The following SH3PXD2B variants were observed in gnomAD, a reference collection of about 807,000 sequenced individuals.
SH3PXD2B encodes the protein SH3 and PX domains 2B.
SH3PXD2B carries 37 observed loss-of-function variants against 73.1 expected under a neutral mutation model. The observed-to-expected ratio is 0.51, with a 90% CI of 0.39 to 0.67. The LOEUF (loss-of-function observed/expected upper bound fraction) is 0.67. Among genes scored for constraint, SH3PXD2B ranks in the 30% least tolerant of loss-of-function variants. The pLI is 0.00. For synonymous variants in SH3PXD2B, 457 were observed against 480.5 expected (o/e 0.95, Z 0.64); for missense variants, 1,053 against 1,197.8 (o/e 0.88, Z 1.78).
intron 2 of SH3PXD2B, 92 bp from the exon 3 acceptor site, chr5:172,406,444 A>C: frequency 7.0e-7 from 1 of 1,422,268 alleles, no homozygotes; most frequent in Admixed American, 1.7e-5. Flanking sequence ...GAAATATGTG[A>C]TGTGATATAC....
At chr5:172,369,815 C>A (rs2113345631) in intron 6 of SH3PXD2B, among the ~76,000 whole-genome samples, 1 of 151,316 alleles carries the variant, frequency 6.6e-6, no homozygotes, top group South Asian at 2.1e-4. Flanking sequence ...CCCCACCCCG[C>A]CCCAGCTTTA....
chr5:172,386,742 C>T (rs1758068433), intron 4 of SH3PXD2B, among the ~76,000 whole-genome samples: 1 of 152,140 alleles, frequency 6.6e-6, no homozygotes, highest in Admixed American at 6.5e-5. Flanking sequence ...ATCCTCCCAC[C>T]TCAGCCTCCT....
intron 4 of SH3PXD2B, among the ~76,000 whole-genome samples, chr5:172,383,939 C>A (rs1241334252): frequency 1.3e-5 from 2 of 151,994 alleles, no homozygotes; most frequent in South Asian, 4.2e-4. Context: ...CTCTGCCTCC[C>A]GGGTTCAAGT....
At position 172,338,930 on chromosome 5, in the gene SH3PXD2B, G is replaced by A. The variant is rs957580226; in HGVS notation, c.2175C>T (p.Ser725=). Residue 725 remains serine, a synonymous_variant, in exon 13 of 13, where the codon TCC becomes TCT. Transcript: ENST00000311601. The surrounding 1 kb of genome is among the most constrained non-coding windows in gnomAD (Gnocchi z 5.1). ...KQDGLSPKEI[S]CRAPPRPAKT... ...TGGCTGGCCTCGGAGGGGCTCTGCA[G>A]GAAATCTCTTTTGGGCTGAGACCAT... The A allele has an allele frequency of 2.2e-5, 36 of 1,614,040 alleles. No individual in the cohort carries two copies. The highest frequency in any genetic ancestry group is 3.0e-5 in the Non-Finnish European group (35 of 1,179,986).
At chr5:172,347,176 A>G in intron 11 of SH3PXD2B, 107 bp downstream of exon 11, 1 of 1,116,024 alleles carries the variant, frequency 9.0e-7, no homozygotes, top group Non-Finnish European at 1.4e-6. Flanking sequence ...TTGTGTGGAC[A>G]GGAAAGAGAG....
intron 6 of SH3PXD2B, among the ~76,000 whole-genome samples, chr5:172,363,168 A>G (rs1167682868): frequency 6.6e-6 from 1 of 152,172 alleles, no homozygotes; most frequent in Admixed American, 6.5e-5. Context: ...CCATCCCTCC[A>G]TCCATCTGTC....
chr5:172,342,252 T>C (rs2113263258), intron 12 of SH3PXD2B, among the ~76,000 whole-genome samples: 1 of 152,304 alleles, frequency 6.6e-6, no homozygotes, highest in South Asian at 2.1e-4. Context: ...AGATGTACAC[T>C]GCAATTCCCT....
chr5:172,338,928 C>A lies in SH3PXD2B; in HGVS notation c.2177G>T (p.Cys726Phe). ...CTTGGCTGGCCTCGGAGGGGCTCTGCAGGAAATCTCTTTTGGGCTGAGACC... is the reference window on the plus strand; with the variant it reads ...CTTGGCTGGCCTCGGAGGGGCTCTGAAGGAAATCTCTTTTGGGCTGAGACC... Reference protein sequence around the residue: ...QDGLSPKEISCRAPPRPAKTT... With the variant: ...QDGLSPKEISFRAPPRPAKTT... Residue 726 changes from cysteine (C) to phenylalanine (F), a missense_variant, in exon 13 of 13, where the codon TGC (cysteine) becomes TTC (phenylalanine). By Grantham distance (205) the Cys-to-Phe change is radical. Coordinates refer to ENST00000311601, the MANE Select transcript of SH3PXD2B (RefSeq NM_001017995.3). The surrounding 1 kb of genome is among the most constrained non-coding windows in gnomAD (Gnocchi z 5.1). The A allele has an allele frequency of 3.7e-6, 6 of 1,614,094 alleles. No homozygotes were observed. The highest frequency in any genetic ancestry group is 3.4e-6 in the Non-Finnish European group (4 of 1,179,962).
chr5:172,366,932 A>ATTTTTTTTTTTTTTT lies in SH3PXD2B; in HGVS notation c.428-4078_428-4064dup, dbSNP rs1262636786. 2.3e-4 allele frequency among the ~76,000 whole-genome samples: 17 copies of ATTTTTTTTTTTTTTT among 75,098 alleles called. 2 individuals carry two copies. The East Asian group carries it at 3.2e-3, about 14-fold the overall frequency. 49.3% of individuals were successfully genotyped at this position (75,098 alleles called of 152,430 possible). A position where few individuals can be genotyped will look rare whatever the true frequency, so the allele number is the denominator to read the frequency against. On this transcript the variant is annotated intron_variant, in intron 6 of 12. Coordinates refer to ENST00000311601, the MANE Select transcript of SH3PXD2B (RefSeq NM_001017995.3). ...TAGGTGTGAGCCATCGTGCCCGGCC[A>ATTTTTTTTTTTTTTT]TTTTTTTTTTTTTTTTTTTTTGGGG... is the stretch of plus-strand genomic sequence containing the variant.
Position 172,421,477 on chromosome 5 carries a change from A to G in SH3PXD2B, c.156+939T>C, listed in dbSNP as rs1482098106. Reference sequence around the variant, plus strand: ...GAATAAACTATTAAGGACAGACAGGAAGAGAAAGATGTGGTTCTGGCCCAC... The same window carrying G: ...GAATAAACTATTAAGGACAGACAGGGAGAGAAAGATGTGGTTCTGGCCCAC... On this transcript the variant is annotated intron_variant, in intron 2 of 12. Coordinates refer to ENST00000311601, the MANE Select transcript of SH3PXD2B (RefSeq NM_001017995.3). This position sits in a 1 kb window ranked among gnomAD's most constrained non-coding sequence, Gnocchi z 4.0. 6.6e-6 allele frequency among the ~76,000 whole-genome samples: 1 copy of G among 152,198 alleles called. No individual in the cohort carries two copies. Among genetic ancestry groups the G allele is most frequent in the Non-Finnish European group, 1.5e-5 (1 of 68,034 alleles).
intron 2 of SH3PXD2B, among the ~76,000 whole-genome samples, chr5:172,414,209 C>A (rs745312799): frequency 6.6e-6 from 1 of 152,200 alleles, no homozygotes; most frequent in Non-Finnish European, 1.5e-5. Flanking sequence ...TGGCTCACGC[C>A]TGTAATCCCA....
intron 6 of SH3PXD2B, among the ~76,000 whole-genome samples, chr5:172,363,307 C>T (rs532806379): frequency 9.2e-5 from 14 of 152,230 alleles, no homozygotes; most frequent in African/African-American, 3.4e-4. Flanking sequence ...ATCTCATCAC[C>T]CATCCAAAAT....
At chr5:172,408,674 G>T (rs1382968504) in intron 2 of SH3PXD2B, among the ~76,000 whole-genome samples, 2 of 151,176 alleles carry the variant, frequency 1.3e-5, no homozygotes, top group South Asian at 2.1e-4. Context: ...AAGTAGTTGG[G>T]ATTACAGGCG....
chr5:172,329,083 A>ATATATTTTTTTT (rs58472514), downstream of SH3PXD2B, among the ~76,000 whole-genome samples: 10 of 61,808 alleles, frequency 1.6e-4, no homozygotes, highest in African/African-American at 3.1e-4. Context: ...ATATATATAT[A>ATATATTTTTTTT]TTTTTTTTTT....
In SH3PXD2B at chr5:172,335,487, G is replaced by A; in HGVS notation, c.*2882C>T. On this transcript the variant is annotated 3_prime_UTR_variant, in exon 13 of 13. Coordinates refer to ENST00000311601, the MANE Select transcript of SH3PXD2B (RefSeq NM_001017995.3). ...CTCAGTCCCAGCTTGGCCACTATTTGGACCTTCTCCCTCTGAACCTTAATT... is the reference window on the plus strand; with the variant it reads ...CTCAGTCCCAGCTTGGCCACTATTTAGACCTTCTCCCTCTGAACCTTAATT... 2.4e-6 allele frequency: 3 copies of A among 1,231,302 alleles called. No homozygotes were observed. The highest frequency in any genetic ancestry group is 3.0e-6 in the Non-Finnish European group (3 of 987,846). 76.3% of individuals were successfully genotyped at this position (1,231,302 alleles called of 1,614,324 possible). A position where few individuals can be genotyped will look rare whatever the true frequency, so the allele number is the denominator to read the frequency against.
chr5:172,439,242 AAAAAAAAAG>A (rs1317999757), intron 1 of SH3PXD2B, among the ~76,000 whole-genome samples: 22 of 90,902 alleles, frequency 2.4e-4, no homozygotes, highest in South Asian at 3.5e-4. Context: ...AAAACAGAAA[AAAAAAAAAG>A]AAAAAAAAAA....
chr5:172,406,503 G>A (rs1413954525), intron 2 of SH3PXD2B, 151 bp from the exon 3 acceptor site: 3 of 831,372 alleles, frequency 3.6e-6, no homozygotes, highest in Non-Finnish European at 5.7e-6. Flanking sequence ...TAATGGGAAA[G>A]GCAATTTCAG....
intron 1 of SH3PXD2B, among the ~76,000 whole-genome samples, chr5:172,444,570 C>A (rs1422494281): frequency 6.6e-6 from 1 of 152,190 alleles, no homozygotes; most frequent in Non-Finnish European, 1.5e-5. Context: ...ACTATTGAAT[C>A]TTGAGAACAA....
intron 5 of SH3PXD2B, among the ~76,000 whole-genome samples, chr5:172,381,151 C>T (rs1245823647): frequency 1.3e-5 from 2 of 152,268 alleles, no homozygotes; most frequent in Admixed American, 1.3e-4. Context: ...GGCTGCTCAG[C>T]AAACTCAGCC....
Sources: gnomAD v4.1 joint callset for allele counts (sites outside exome capture counted in the v4.1 genomes callset) on GRCh38, gnomAD v4.1.1 for gene constraint, Gnocchi (gnomAD v3.1) non-coding constraint, MANE v1.5 for transcripts, NCBI Gene and HGNC (gene_info 2026-07-23, HGNC 2026-07-21) for gene names.